TBC1D2: variants seen among roughly 807,000 people sequenced by gnomAD.
The protein encoded by TBC1D2 is TBC1 domain family member 2.
A neutral mutation model predicts 91.1 loss-of-function variants in TBC1D2; 58 were observed. The observed-to-expected ratio is 0.64, with a 90% CI of 0.52 to 0.79. The LOEUF is 0.79. Among genes scored for constraint, TBC1D2 ranks in the 30% least tolerant of loss-of-function variants. TBC1D2 has a pLI of 0.00. For missense variants in TBC1D2, 1,080 were observed against 1,208.3 expected (o/e 0.89, Z 1.57); for synonymous variants, 482 against 511.5 (o/e 0.94, Z 0.78).
intron 5 of TBC1D2, among the ~76,000 whole-genome samples, chr9:98,223,158 G>A (rs1588045710): frequency 6.6e-6 from 1 of 152,358 alleles, no homozygotes; most frequent in East Asian, 1.9e-4. Context: ...TGTGGGAAAG[G>A]CAATGACTTC....
intron 4 of TBC1D2, among the ~76,000 whole-genome samples, chr9:98,232,882 A>G (rs1048888104): frequency 2.0e-5 from 3 of 152,092 alleles, no homozygotes; most frequent in African/African-American, 7.2e-5. Flanking sequence ...CTGTGGTGCA[A>G]TCTCGACTCA....
Position 98,244,147 on chromosome 9 carries a change from G to A in TBC1D2, c.512-18C>T. The A allele has an allele frequency of 6.2e-7, 1 of 1,612,378 alleles. No homozygotes were observed. Among genetic ancestry groups the A allele is most frequent in the Non-Finnish European group, 8.5e-7 (1 of 1,179,272 alleles). Reference sequence around the variant, plus strand: ...TTCTTGCCCTGGGAACAAAGAAAAGGGAAATCCATCAGCTGGGTCACTGCA... The same window carrying A: ...TTCTTGCCCTGGGAACAAAGAAAAGAGAAATCCATCAGCTGGGTCACTGCA... On this transcript the variant is annotated intron_variant, in intron 2 of 12. Transcript: ENST00000465784.
In TBC1D2 at chr9:98,225,853, T is replaced by C. The variant is rs549694465; in HGVS notation, c.978+3099A>G. The stretch of plus-strand genomic sequence containing the variant: ...CAAGAGCATCTCGCAGTGTTTGAGA[T>C]AGAAATTCCTAAAGAGTCACGAAAG... On this transcript the variant is annotated intron_variant, in intron 5 of 12. Coordinates refer to ENST00000465784, the MANE Select transcript of TBC1D2 (RefSeq NM_001267571.2). Among the ~76,000 whole-genome samples the C allele has an allele frequency of 5.3e-5, 8 of 152,324 alleles. No individual in the cohort carries two copies. In the South Asian group the frequency reaches 8.3e-4, roughly 16 times the overall value.
chr9:98,232,355 A>T (rs867296753), intron 4 of TBC1D2, among the ~76,000 whole-genome samples: 3 of 30,842 alleles, frequency 9.7e-5, no homozygotes, highest in African/African-American at 1.1e-3. Flanking sequence ...TTTTTTTTTG[A>T]CAGTGTCTCA....
At chr9:98,249,842 T>G (rs1337433021) in intron 2 of TBC1D2, among the ~76,000 whole-genome samples, 1 of 152,174 alleles carries the variant, frequency 6.6e-6, no homozygotes, top group African/African-American at 2.4e-5. Context: ...CCTGAGGTTA[T>G]GCTAAGGGGT....
rs1828743420 is a variant in TBC1D2, at chr9:98,209,103, T to A, written c.1715A>T (p.Glu572Val). 1 of 1,614,004 alleles carries A rather than the reference T, an allele frequency of 6.2e-7. No individual in the cohort carries two copies. The highest frequency in any genetic ancestry group is 8.5e-7 in the Non-Finnish European group (1 of 1,179,922). ...GGCCAGCAGCTTCAGGTCTTCCACC[T>A]CATAGTCGGGCACCGTCAGGAAGCC... ...EYGFLTVPDY[E>V]VEDLKLLAKI... Residue 572 changes from glutamate to valine, a missense_variant, in exon 9 of 13, where the codon GAG becomes GTG. By Grantham distance (121) the Glu-to-Val change is moderately radical (BLOSUM62 -2). Transcript: ENST00000465784.
Position 98,210,640 on chromosome 9 carries a change from G to T in TBC1D2, c.1673+16C>A. ...CAGCTCACATAGACCAGCCCTTCCT[G>T]GGCCGCCAGGCTCACCTGATGGGGC... On this transcript the variant is annotated intron_variant, in intron 8 of 12. Coordinates refer to ENST00000465784, the MANE Select transcript of TBC1D2 (RefSeq NM_001267571.2). 6.4e-7 allele frequency: 1 copy of T among 1,564,482 alleles called. No individual in the cohort carries two copies. The highest frequency in any genetic ancestry group is 2.3e-5 in the East Asian group (1 of 43,128).
chr9:98,210,294 G>T (rs2119031875), intron 8 of TBC1D2, among the ~76,000 whole-genome samples: 2 of 152,298 alleles, frequency 1.3e-5, no homozygotes, highest in South Asian at 4.1e-4. Flanking sequence ...ATATTTAACT[G>T]CCCATGTCCA....
intron 3 of TBC1D2, among the ~76,000 whole-genome samples, chr9:98,235,933 G>C (rs373239458): frequency 3.1e-4 from 47 of 151,976 alleles, no homozygotes; most frequent in African/African-American, 1.1e-3. Context: ...TACTTGGGAG[G>C]CTGAGGCAGG....
At position 98,220,934 on chromosome 9, in the gene TBC1D2, C is replaced by A. The variant is rs1829082641; in HGVS notation, c.1273G>T (p.Val425Phe). The A allele has an allele frequency of 6.2e-7, 1 of 1,614,054 alleles. No homozygotes were observed. The highest frequency in any genetic ancestry group is 8.5e-7 in the Non-Finnish European group (1 of 1,180,038). ...GGGGGGTGCGTGAAGTCCTGGGTGA[C>A]CTTCTCAGAGAGCTTGCAGATGACC... ...QQVICKLSEK[V>F]TQDFTHPPDQ... The change falls in exon 6 of 13, where the codon GTC (valine) becomes TTC (phenylalanine). Residue 425 changes from valine (V) to phenylalanine (F), a missense_variant. Physicochemically the swap from Val to Phe is conservative, Grantham distance 50. Coordinates refer to ENST00000465784, the MANE Select transcript of TBC1D2 (RefSeq NM_001267571.2).
chr9:98,235,154 G>A lies in TBC1D2; in HGVS notation c.648-1605C>T, dbSNP rs137887410. On this transcript the variant is annotated intron_variant, in intron 3 of 12. Transcript: ENST00000465784. ...GGAGGCGGAGGTTGCAGTGAGCTGA[G>A]ATTACGCCACTGCACCTCCAGCCTG... is the stretch of plus-strand genomic sequence containing the variant. The A allele has an allele frequency of 3.2e-3, 792 of 247,484 alleles. 12 individuals are homozygous for A. The highest frequency in any genetic ancestry group is 0.016 in the African/African-American group (714 of 43,886). The allele number at this position is 247,484 out of a possible 1,614,324, so 15.3% of individuals were successfully genotyped here.
At position 98,221,015 on chromosome 9, in the gene TBC1D2, G is replaced by A; in HGVS notation, c.1192C>T (p.Gln398Ter). Residue 398 changes from glutamine (Q) to a stop codon, truncating the protein, a stop_gained, in exon 6 of 13, where the codon CAG (glutamine) becomes TAG (stop). Transcript: ENST00000465784. LOFTEE classifies it high-confidence loss of function. ...AGCTGCACGTGCTGCTGTAGCTCCTGCACCTGCTGCTCCCGCAGGCTCGCT... is the reference window on the plus strand; with the variant it reads ...AGCTGCACGTGCTGCTGTAGCTCCTACACCTGCTGCTCCCGCAGGCTCGCT... ...HTASLREQQV[Q>*]ELQQHVQLLM... The A allele has an allele frequency of 1.2e-6, 2 of 1,614,116 alleles. No individual in the cohort carries two copies. The highest frequency in any genetic ancestry group is 1.7e-6 in the Non-Finnish European group (2 of 1,180,018).
At chr9:98,255,128 G>A (rs1366095781) in intron 1 of TBC1D2, 45 bp downstream of exon 1, 1 of 1,561,770 alleles carries the variant, frequency 6.4e-7, no homozygotes, top group African/African-American at 1.4e-5. Flanking sequence ...TGCGAAAAGG[G>A]GACCTCACGC....
intron 9 of TBC1D2, among the ~76,000 whole-genome samples, 198 bp downstream of exon 9, chr9:98,208,470 G>A (rs1286385082): frequency 6.6e-6 from 1 of 152,148 alleles, no homozygotes; most frequent in African/African-American, 2.4e-5. Flanking sequence ...TAGGGTTCAC[G>A]CTCCTGTGAG....
intron 3 of TBC1D2, 45 bp downstream of exon 3, chr9:98,243,949 G>C: frequency 1.3e-6 from 2 of 1,575,810 alleles, no homozygotes; most frequent in Non-Finnish European, 1.7e-6. Context: ...CCACTGAAGG[G>C]GCTGCCTGCA....
Position 98,199,520 on chromosome 9 carries a change from A to G in TBC1D2, c.2648T>C (p.Met883Thr), listed in dbSNP as rs1235262318. ...AGCCTCCAGCCGCTCCCGGTGGACC[A>G]TGCGCAGCTGCCGCAGCTGTTTCAT... ...FRMKQLRQLRMVHRERLEAEL... is the reference protein window; with the variant it reads ...FRMKQLRQLRTVHRERLEAEL... The change falls in exon 13 of 13, where the codon ATG (methionine) becomes ACG (threonine). Residue 883 changes from methionine (M) to threonine (T), a missense_variant. Transcript: ENST00000465784. 1 of 1,614,160 alleles carries G rather than the reference A, an allele frequency of 6.2e-7. No individual in the cohort carries two copies. Among genetic ancestry groups the G allele is most frequent in the East Asian group, 2.2e-5 (1 of 44,882 alleles).
chr9:98,250,857 TGCA>T (rs1829858784), intron 2 of TBC1D2, among the ~76,000 whole-genome samples: 1 of 152,158 alleles, frequency 6.6e-6, no homozygotes, highest in Non-Finnish European at 1.5e-5. Context: ...TGTTCCTGGC[TGCA>T]GCATGGGGGT....
chr9:98,210,673 G>A lies in TBC1D2; in HGVS notation c.1656C>T (p.Ile552=), dbSNP rs781217592. ...AGGCTCACCTGATGGGGCTCAGCTC[G>A]ATGCTGTCAGATGAGGCCTCCCCAG... The part of the protein sequence containing the change: ...WEAGEASSDS[I]ELSPISKYDE... The change falls in exon 8 of 13, where the codon ATC becomes ATT. Residue 552 remains isoleucine (I), a synonymous_variant. Coordinates refer to ENST00000465784, the MANE Select transcript of TBC1D2 (RefSeq NM_001267571.2). 5 of 1,600,272 alleles carry A rather than the reference G, an allele frequency of 3.1e-6. No individual in the cohort carries two copies. In the South Asian group the frequency reaches 3.4e-5, roughly 11 times the overall value.
chr9:98,199,788 C>G (rs550287584), intron 12 of TBC1D2, among the ~76,000 whole-genome samples, 200 bp from the exon 13 acceptor site: 12 of 152,128 alleles, frequency 7.9e-5, no homozygotes, highest in Non-Finnish European at 1.5e-4. Context: ...AGAAGAAAGA[C>G]ACCTAACCCA....
Sources: gnomAD v4.1 joint callset for allele counts (sites outside exome capture counted in the v4.1 genomes callset) on GRCh38, gnomAD v4.1.1 for gene constraint, MANE v1.5 for transcripts, NCBI Gene and HGNC (gene_info 2026-07-23, HGNC 2026-07-21) for gene names.